Variants in RNF213 observed in about 807,000 individuals in gnomAD.
RNF213 encodes the protein ring finger protein 213, also known as E3 ubiquitin-protein ligase RNF213.
RNF213 carries 341 observed loss-of-function variants against 514.4 expected under a neutral mutation model. The observed-to-expected ratio is 0.66, with a 90% CI of 0.61 to 0.73. The LOEUF (loss-of-function observed/expected upper bound fraction) is 0.73. Ranked by LOEUF, RNF213 falls within the 30% of genes least tolerant of loss-of-function variation. RNF213 has a pLI of 0.00. For synonymous variants in RNF213, 2,655 were observed against 2,658.2 expected (o/e 1.00, Z 0.04); for missense variants, 5,767 against 6,615.6 (o/e 0.87, Z 4.45).
chr17:80,332,097 G>C lies in RNF213; in HGVS notation c.3609G>C (p.Ser1203=), dbSNP rs943130448. The C allele has an allele frequency of 1.3e-6, 2 of 1,537,154 alleles. No individual in the cohort carries two copies. ...TGACAGTGAGACTGTCCACCTCCTC[G>C]AACTCGCAGAGGGCAACGCATTACC... ...DTVTVRLSTS[S]NSQRATHYHL... The change falls in exon 21 of 68, where the codon TCG becomes TCC. Residue 1203 remains serine, a synonymous_variant. Coordinates refer to ENST00000582970, the MANE Select transcript of RNF213 (RefSeq NM_001256071.3).
At chr17:80,280,840 A>C (rs1170870205) in intron 3 of RNF213, among the ~76,000 whole-genome samples, 1 of 152,060 alleles carries the variant, frequency 6.6e-6, no homozygotes, top group African/African-American at 2.4e-5. Flanking sequence ...AATGGATGGG[A>C]GATTTATAGT....
intron 49 of RNF213, 129 bp from the exon 50 acceptor site, chr17:80,374,329 G>A (rs761705373): frequency 2.4e-6 from 3 of 1,232,808 alleles, no homozygotes; most frequent in African/African-American, 3.0e-5. Flanking sequence ...CTCAGGCCAG[G>A]TCAGGGAATC....
intron 17 of RNF213, 125 bp downstream of exon 17, chr17:80,319,437 G>A: frequency 6.2e-7 from 1 of 1,614,210 alleles, no homozygotes; most frequent in Non-Finnish European, 8.5e-7. Flanking sequence ...ATTGGGAAGT[G>A]GGCACCCTCC....
intron 11 of RNF213, among the ~76,000 whole-genome samples, chr17:80,300,409 A>G (rs1205858637): frequency 1.3e-5 from 2 of 151,704 alleles, no homozygotes; most frequent in African/African-American, 2.4e-5. Flanking sequence ...ACATGTGGCT[A>G]ATTTTTGTCT....
intron 15 of RNF213, chr17:80,316,006 A>ATGC (rs2045936347): frequency 9.1e-6 from 1 of 110,374 alleles, no homozygotes; most frequent in Non-Finnish European, 2.0e-5. Context: ...GATAGTGGTG[A>ATGC]AGGTGATGGA....
rs138461014 is a variant in RNF213 at position 80,319,393 on chromosome 17, C to T, written c.3024+81C>T. ...TGACCCAGCTAAGGGCTATGAAGCA[C>T]CCGCTGGGTCTCAGCTCCTCCGCTA... On this transcript the variant is annotated intron_variant, in intron 17 of 67. Coordinates refer to ENST00000582970, the MANE Select transcript of RNF213 (RefSeq NM_001256071.3). The T allele has an allele frequency of 6.6e-5, 107 of 1,614,202 alleles. 1 individual carries two copies. In the South Asian group the frequency reaches 1.1e-3, roughly 17 times the overall value.
In RNF213 at chr17:80,346,425, T is replaced by C. The variant is rs763382074; in HGVS notation, c.8090T>C (p.Leu2697Ser). The C allele has an allele frequency of 1.9e-6, 3 of 1,613,486 alleles. No individual in the cohort carries two copies. The highest frequency in any genetic ancestry group is 1.7e-5 in the Admixed American group (1 of 59,984). ...LAIGVCYHAS[L>S]EKKDSYRKAI... ...ATCGGGGTGTGTTACCATGCCTCTT[T>C]AGAAAAGAAAGACTCATATCGGAAA... The change falls in exon 29 of 68, where the codon TTA becomes TCA. Residue 2697 changes from leucine to serine, a missense_variant. Coordinates refer to ENST00000582970, the MANE Select transcript of RNF213 (RefSeq NM_001256071.3). This position sits in a 1 kb window ranked among gnomAD's most constrained non-coding sequence, Gnocchi z 8.1.
chr17:80,383,977 C>T (rs768366030), intron 59 of RNF213, 49 bp downstream of exon 59: 3 of 1,612,586 alleles, frequency 1.9e-6, no homozygotes, highest in East Asian at 4.5e-5. Context: ...GCAGAGTTCC[C>T]CAGCAGGCCT....
chr17:80,381,992 G>A (rs538577327), intron 57 of RNF213: 33 of 489,084 alleles, frequency 6.7e-5, no homozygotes, highest in Admixed American at 3.3e-4. Context: ...TAAGACCTGC[G>A]GTATTCGGGA....
At chr17:80,342,607 C>T (rs2078186240) in intron 26 of RNF213, among the ~76,000 whole-genome samples, 2 of 146,088 alleles carry the variant, frequency 1.4e-5, no homozygotes, top group South Asian at 2.1e-4. Context: ...TATATATATT[C>T]GATACATATT....
intron 32 of RNF213, 126 bp downstream of exon 32, chr17:80,351,929 A>G (rs956718524): frequency 8.3e-6 from 5 of 601,324 alleles, no homozygotes; most frequent in African/African-American, 1.9e-5. Flanking sequence ...ATCTCAGCTC[A>G]CTACAACCTC....
intron 39 of RNF213, among the ~76,000 whole-genome samples, chr17:80,362,534 A>C (rs1053824455): frequency 2.0e-5 from 3 of 152,266 alleles, no homozygotes; most frequent in African/African-American, 7.2e-5. Context: ...TTCATTTTGC[A>C]AAGCTGATTT....
Position 80,368,152 on chromosome 17 carries a change from C to T in RNF213, c.12155+9C>T. 1 of 1,613,864 alleles carries T rather than the reference C, an allele frequency of 6.2e-7. No individual in the cohort carries two copies. Reference sequence around the variant, plus strand: ...GTTTCCCAAGCGCACAGGTACAACACCCTTTCTCTCAAGAAAGCATCCTTT... The same window carrying T: ...GTTTCCCAAGCGCACAGGTACAACATCCTTTCTCTCAAGAAAGCATCCTTT... On this transcript the variant is annotated intron_variant, in intron 44 of 67. Transcript: ENST00000582970.
chr17:80,308,829 C>T (rs1282738723), intron 13 of RNF213, among the ~76,000 whole-genome samples, 189 bp from the exon 14 acceptor site: 3 of 152,138 alleles, frequency 2.0e-5, no homozygotes, highest in Non-Finnish European at 4.4e-5. Context: ...AACAAGAGGA[C>T]TTTGCTTCCT....
At chr17:80,261,959 G>A (rs930124980) in intron 1 of RNF213, among the ~76,000 whole-genome samples, 3 of 152,248 alleles carry the variant, frequency 2.0e-5, no homozygotes, top group African/African-American at 7.2e-5. Flanking sequence ...GGAGGTTGCA[G>A]TGAGCTGAGA....
chr17:80,303,537 T>G (rs1328122747), intron 11 of RNF213, among the ~76,000 whole-genome samples: 2 of 151,776 alleles, frequency 1.3e-5, no homozygotes, highest in African/African-American at 2.4e-5. Flanking sequence ...TGGAAACCAA[T>G]TCTATTCCTT....
chr17:80,330,205 T>C (rs1445255370), intron 20 of RNF213, among the ~76,000 whole-genome samples: 1 of 152,258 alleles, frequency 6.6e-6, no homozygotes, highest in African/African-American at 2.4e-5. Context: ...TTCTGGGTTA[T>C]TCACCGTTTT....
chr17:80,307,103 G>A lies in RNF213; in HGVS notation c.2428-25G>A, dbSNP rs554700273. 8 of 1,611,552 alleles carry A rather than the reference G, an allele frequency of 5.0e-6. No individual in the cohort carries two copies. The East Asian group carries it at 1.6e-4, about 31-fold the overall frequency. On this transcript the variant is annotated intron_variant, in intron 12 of 67. Coordinates refer to ENST00000582970, the MANE Select transcript of RNF213 (RefSeq NM_001256071.3). ...GCATTGTGATTCAATCTTTTGTCCTGTTTTTCTTTTTTTCTCTGCCTTAGG... is the reference window on the plus strand; with the variant it reads ...GCATTGTGATTCAATCTTTTGTCCTATTTTTCTTTTTTTCTCTGCCTTAGG...
At chr17:80,357,700 G>A (rs1033221801) in intron 36 of RNF213, among the ~76,000 whole-genome samples, 19 of 152,296 alleles carry the variant, frequency 1.2e-4, no homozygotes, top group African/African-American at 3.6e-4. Context: ...AGATAAGTGC[G>A]GTGGCTCACA....
Sources: gnomAD v4.1 joint callset for allele counts (sites outside exome capture counted in the v4.1 genomes callset) on GRCh38, gnomAD v4.1.1 for gene constraint, Gnocchi (gnomAD v3.1) non-coding constraint, MANE v1.5 for transcripts, NCBI Gene and HGNC (gene_info 2026-07-23, HGNC 2026-07-21) for gene names.